DLC1: variants seen among roughly 807,000 people sequenced by gnomAD.
DLC1 encodes DLC1 Rho GTPase activating protein.
In DLC1, 54 loss-of-function variants were observed where a neutral mutation model predicts 140.3. The observed-to-expected ratio is 0.38, with a 90% CI of 0.31 to 0.48. The LOEUF is 0.48. DLC1 is among the 20% of genes least tolerant of loss of function. DLC1 has a pLI of 0.96. For synonymous variants in DLC1, 986 were observed against 728.1 expected, an observed-to-expected ratio of 1.35 and a Z score of -5.70; for missense variants, 2,536 against 1,907.0, an observed-to-expected ratio of 1.33 and a Z score of -6.14.
At chr8:13,394,286 G>A (rs17805260) in intron 3 of DLC1, among the ~76,000 whole-genome samples, 22,328 of 152,168 alleles carry the variant, frequency 0.15, 1,825 homozygotes, top group Non-Finnish European at 0.19. Flanking sequence ...TTTGAAAATG[G>A]GTATAATGAT....
intron 4 of DLC1, among the ~76,000 whole-genome samples, chr8:13,387,057 T>A (rs544261777): frequency 1.3e-5 from 2 of 152,174 alleles, no homozygotes; most frequent in South Asian, 4.1e-4. Context: ...TAATTCAAAT[T>A]TTTTGATGTT....
chr8:13,517,434 T>C (rs1341828717), upstream of DLC1, among the ~76,000 whole-genome samples: 2 of 152,192 alleles, frequency 1.3e-5, no homozygotes. Context: ...ATACATTATG[T>C]TTTCTTCTAT....
At chr8:13,305,196 A>G in intron 5 of DLC1, 73 bp downstream of exon 5, 1 of 1,570,512 alleles carries the variant, frequency 6.4e-7, no homozygotes, top group Non-Finnish European at 8.6e-7. Context: ...TATATTTAAT[A>G]AAATGCCTAT....
At chr8:13,416,911 C>T (rs1278813590) in intron 2 of DLC1, among the ~76,000 whole-genome samples, 3 of 152,086 alleles carry the variant, frequency 2.0e-5, no homozygotes, top group Non-Finnish European at 4.4e-5. Flanking sequence ...ACCTCTATCC[C>T]TCCTTTATGC....
intron 2 of DLC1, among the ~76,000 whole-genome samples, chr8:13,442,902 C>A (rs145937347): frequency 6.6e-6 from 1 of 152,084 alleles, no homozygotes; most frequent in Non-Finnish European, 1.5e-5. Flanking sequence ...GACACATGCA[C>A]GCATATGTTT....
chr8:13,115,702 G>C, intron 5 of DLC1, 45 bp from the exon 6 acceptor site: 1 of 1,572,576 alleles, frequency 6.4e-7, no homozygotes, highest in Non-Finnish European at 8.7e-7. Context: ...TGTGTACCTC[G>C]CCATGCTTAT....
At chr8:13,566,279 A>G (rs1804424867) in intron 1 of DLC1, among the ~76,000 whole-genome samples, 1 of 152,110 alleles carries the variant, frequency 6.6e-6, no homozygotes, top group Non-Finnish European at 1.5e-5. Flanking sequence ...GGGCGTGGAT[A>G]TGCTAGCCAG....
chr8:13,225,714 C>G (rs1397648578), intron 5 of DLC1, among the ~76,000 whole-genome samples: 3 of 150,648 alleles, frequency 2.0e-5, no homozygotes, highest in Non-Finnish European at 4.4e-5. Context: ...CTCCTGGGTT[C>G]ACACCATTCT....
At chr8:13,285,390 T>C (rs1020372416) in intron 5 of DLC1, among the ~76,000 whole-genome samples, 3 of 152,046 alleles carry the variant, frequency 2.0e-5, no homozygotes, top group Non-Finnish European at 2.9e-5. Context: ...AAAACAAACA[T>C]TAACTCTAAA....
At position 13,415,549 on chromosome 8, in the gene DLC1, G is replaced by A. The variant is rs1204776036; in HGVS notation, c.1024-13930C>T. 4.6e-5 allele frequency among the ~76,000 whole-genome samples: 7 copies of A among 151,784 alleles called. No individual in the cohort carries two copies. In the East Asian group the frequency reaches 9.8e-4, roughly 21 times the overall value. On this transcript the variant is annotated intron_variant, in intron 2 of 17. Coordinates refer to ENST00000276297, the MANE Select transcript of DLC1 (RefSeq NM_182643.3). The stretch of plus-strand genomic sequence containing the variant: ...CTAGTAGCAGGGAGTACAGGCTCCC[G>A]CCACCACACCCGGCTAGTTTTTTGT...
At position 13,331,585 on chromosome 8, in the gene DLC1, T is replaced by C. The variant is rs571675985; in HGVS notation, c.1315-26283A>G. On this transcript the variant is annotated intron_variant, in intron 4 of 17. Transcript: ENST00000276297. ...TAGCTGAATTCTGTGCACCATATAA[T>C]GCTCTCAAATTTAAAATGTCTATGT... Among the ~76,000 whole-genome samples, 8 of 152,136 alleles carry C rather than the reference T, an allele frequency of 5.3e-5. 1 individual carries two copies. The South Asian group carries it at 6.2e-4, about 12-fold the overall frequency.
chr8:13,496,223 A>G (rs1047966710), intron 2 of DLC1, among the ~76,000 whole-genome samples: 4 of 152,196 alleles, frequency 2.6e-5, no homozygotes, highest in African/African-American at 9.6e-5. Flanking sequence ...ACTAGATTAG[A>G]ACTCTTGTTA....
chr8:13,569,200 G>A (rs1262214716), intron 1 of DLC1, among the ~76,000 whole-genome samples: 5 of 152,080 alleles, frequency 3.3e-5, no homozygotes, highest in Non-Finnish European at 5.9e-5. Context: ...TAAAACCATG[G>A]AATTAGTGGC....
intron 5 of DLC1, among the ~76,000 whole-genome samples, chr8:13,171,039 G>A (rs887331381): frequency 5.9e-5 from 9 of 152,154 alleles, no homozygotes; most frequent in African/African-American, 2.2e-4. Context: ...GATGGTATGT[G>A]GAGCTATCTC....
At chr8:13,324,135 A>AT (rs1233882646) in intron 4 of DLC1, among the ~76,000 whole-genome samples, 5 of 152,136 alleles carry the variant, frequency 3.3e-5, no homozygotes, top group African/African-American at 1.2e-4. Context: ...GGTGTTTTTA[A>AT]TTTTTTTGTT....
intron 5 of DLC1, among the ~76,000 whole-genome samples, chr8:13,227,290 C>G (rs1394162904): frequency 1.3e-5 from 2 of 152,332 alleles, no homozygotes; most frequent in Admixed American, 6.5e-5. Flanking sequence ...ATTGCTACTT[C>G]TCTCTTATTT....
intron 1 of DLC1, among the ~76,000 whole-genome samples, chr8:13,586,477 C>T (rs1805315691): frequency 1.3e-5 from 2 of 151,900 alleles, no homozygotes; most frequent in South Asian, 4.2e-4. Flanking sequence ...GAAATGTGTT[C>T]TCATGGGGGA....
At chr8:13,151,058 C>T (rs929447775) in intron 5 of DLC1, among the ~76,000 whole-genome samples, 2 of 152,060 alleles carry the variant, frequency 1.3e-5, no homozygotes, top group African/African-American at 2.4e-5. Flanking sequence ...GGAATTGGAA[C>T]CATATGATGA....
intron 5 of DLC1, among the ~76,000 whole-genome samples, chr8:13,250,981 A>G (rs1160460544): frequency 2.0e-5 from 3 of 152,204 alleles, no homozygotes; most frequent in Admixed American, 6.5e-5. Flanking sequence ...GCCATAACAG[A>G]ATGCCACAGA....
Sources: allele counts gnomAD v4.1 joint callset (sites outside exome capture counted in the v4.1 genomes callset), GRCh38; gene constraint gnomAD v4.1.1; transcripts MANE v1.5; gene names NCBI Gene and HGNC (gene_info 2026-07-23, HGNC 2026-07-21).